CSNK1G1: variants seen among roughly 807,000 people sequenced by gnomAD.
CSNK1G1 encodes casein kinase I isoform gamma-1.
A neutral mutation model predicts 59.6 loss-of-function variants in CSNK1G1; 22 were observed. The ratio of observed to expected loss-of-function variants is 0.37; its 90% CI spans 0.26 to 0.53. The LOEUF is 0.53. CSNK1G1 is among the 20% of genes least tolerant of loss of function. The pLI, the probability that CSNK1G1 is intolerant of heterozygous loss-of-function variation, is 0.89. For missense variants in CSNK1G1, 384 were observed against 519.5 expected (o/e 0.74, Z 2.54); for synonymous variants, 179 against 177.1 (o/e 1.01, Z -0.08).
chr15:64,273,702 A>G lies in CSNK1G1; in HGVS notation c.182-14461T>C, dbSNP rs1475503433. 2.6e-5 allele frequency among the ~76,000 whole-genome samples: 4 copies of G among 151,986 alleles called. No homozygotes were observed. The East Asian group carries it at 7.7e-4, about 29-fold the overall frequency. ...AATTGTCTTGGGCCACACATAAAAT[A>G]CATGAACACTAACAAAAGCTGATGA... On this transcript the variant is annotated intron_variant, in intron 2 of 11. Coordinates refer to ENST00000303052, the MANE Select transcript of CSNK1G1 (RefSeq NM_022048.5).
At chr15:64,187,203 T>C (rs28735188) in intron 10 of CSNK1G1, among the ~76,000 whole-genome samples, 6,505 of 151,466 alleles carry the variant, frequency 0.043, 158 homozygotes, top group South Asian at 0.078. Context: ...TGGTTTTTTT[T>C]GGGGGGGATG....
Position 64,216,744 on chromosome 15 carries a change from G to C in CSNK1G1, c.293-31C>G, listed in dbSNP as rs2082316662. ...AGCAGAGGGGAAATGGGGGTATACA[G>C]TGGGAGACACAAAAGCCAAAATATG... On this transcript the variant is annotated intron_variant, in intron 4 of 11. Coordinates refer to ENST00000303052, the MANE Select transcript of CSNK1G1 (RefSeq NM_022048.5). This position sits in a 1 kb window ranked among gnomAD's most constrained non-coding sequence, Gnocchi z 4.6. 6.3e-7 allele frequency: 1 copy of C among 1,599,848 alleles called. No individual in the cohort carries two copies. The highest frequency in any genetic ancestry group is 8.5e-7 in the Non-Finnish European group (1 of 1,170,796).
intron 4 of CSNK1G1, among the ~76,000 whole-genome samples, chr15:64,241,777 C>T (rs1891473101): frequency 6.7e-6 from 1 of 149,734 alleles, no homozygotes; most frequent in African/African-American, 2.5e-5. Flanking sequence ...TTCAAATAAA[C>T]AACCTAATGA....
chr15:64,179,442 C>A (rs957280948), intron 11 of CSNK1G1, among the ~76,000 whole-genome samples: 1 of 152,118 alleles, frequency 6.6e-6, no homozygotes, highest in African/African-American at 2.4e-5. Flanking sequence ...TACAATATCA[C>A]TATAAATACG....
rs796079309 is a variant in CSNK1G1, at chr15:64,302,381, G to A, written c.-224-1658C>T. Among the ~76,000 whole-genome samples the A allele has an allele frequency of 7.9e-5, 12 of 152,148 alleles. No individual in the cohort carries two copies. In the South Asian group the frequency reaches 2.1e-3, roughly 26 times the overall value. The stretch of plus-strand genomic sequence containing the variant: ...CTCCCAAAGTGCTGGGATTACAGGC[G>A]TGAGCCACCATGCCTGGCCTCTGAT... On this transcript the variant is annotated intron_variant, in intron 1 of 11. Transcript: ENST00000303052.
chr15:64,302,023 A>G (rs1437338731), intron 1 of CSNK1G1, among the ~76,000 whole-genome samples: 1 of 152,250 alleles, frequency 6.6e-6, no homozygotes, highest in Non-Finnish European at 1.5e-5. Flanking sequence ...ATTCCCTACT[A>G]AAGTAACAGG....
At chr15:64,259,371 A>T in intron 2 of CSNK1G1, 130 bp from the exon 3 acceptor site, 1 of 633,022 alleles carries the variant, frequency 1.6e-6, no homozygotes, top group Non-Finnish European at 2.7e-6. Flanking sequence ...AACTTGATTT[A>T]TAAGCGAAAA....
At chr15:64,322,240 C>T (rs1195999264) in intron 1 of CSNK1G1, among the ~76,000 whole-genome samples, 5 of 152,154 alleles carry the variant, frequency 3.3e-5, no homozygotes, top group Non-Finnish European at 5.9e-5. Flanking sequence ...ACCCACAAAG[C>T]AATTTGGTTA....
At chr15:64,348,410 A>T (rs926995046) in intron 1 of CSNK1G1, 3 of 152,192 alleles carry the variant, frequency 2.0e-5, no homozygotes, top group African/African-American at 4.8e-5. Flanking sequence ...TGGGGGATGG[A>T]GGAGAGAAGC....
At chr15:64,323,829 A>C (rs756420206) in intron 1 of CSNK1G1, among the ~76,000 whole-genome samples, 31 of 152,204 alleles carry the variant, frequency 2.0e-4, no homozygotes, top group Non-Finnish European at 2.2e-4. Context: ...CTTAAAACAA[A>C]GCCTCTCTTT....
chr15:64,319,918 T>G, intron 1 of CSNK1G1, among the ~76,000 whole-genome samples: 1 of 13,540 alleles, frequency 7.4e-5, no homozygotes, highest in Admixed American at 1.7e-3. Context: ...AGATCAGGGC[T>G]TTTTTTTTTT....
At chr15:64,233,814 T>A (rs908182024) in intron 4 of CSNK1G1, among the ~76,000 whole-genome samples, 1 of 152,154 alleles carries the variant, frequency 6.6e-6, no homozygotes, top group Non-Finnish European at 1.5e-5. Context: ...AGACTAGAAA[T>A]TATTAGTACT....
intron 1 of CSNK1G1, among the ~76,000 whole-genome samples, chr15:64,347,858 T>C (rs576037484): frequency 1.3e-5 from 2 of 151,232 alleles, no homozygotes; most frequent in African/African-American, 4.9e-5. Context: ...TACAAAAAAT[T>C]AGCCAGGAGT....
At position 64,222,442 on chromosome 15, in the gene CSNK1G1, A is replaced by C. The variant is rs1297598794; in HGVS notation, c.293-5729T>G. On this transcript the variant is annotated intron_variant, in intron 4 of 11. Coordinates refer to ENST00000303052, the MANE Select transcript of CSNK1G1 (RefSeq NM_022048.5). ...AATAACAACAACAACACCACCAAAA[A>C]AAAAAAAAAAAAAAAAAGAGGAGGG... is the stretch of plus-strand genomic sequence containing the variant. 3.1e-4 allele frequency among the ~76,000 whole-genome samples: 46 copies of C among 147,424 alleles called. 1 individual carries two copies. The highest frequency in any genetic ancestry group is 1.1e-3 in the Admixed American group (16 of 14,976).
chr15:64,260,226 A>G (rs574230563), intron 2 of CSNK1G1, among the ~76,000 whole-genome samples: 1 of 152,324 alleles, frequency 6.6e-6, no homozygotes, highest in Non-Finnish European at 1.5e-5. Context: ...TCAATACCCT[A>G]TGGTGCTTAA....
intron 2 of CSNK1G1, among the ~76,000 whole-genome samples, chr15:64,283,044 C>T (rs1894226685): frequency 6.6e-6 from 1 of 152,112 alleles, no homozygotes. Context: ...TAAAAGACTA[C>T]AGATAGGGTG....
Position 64,176,186 on chromosome 15 carries a change from G to C in CSNK1G1, c.1214+4162C>G, listed in dbSNP as rs1309222127. ...ATGGAAGCTATTTAATGTTCCTAAG[G>C]CATTTTGTTTGGCTTTGCCAGTCCC... On this transcript the variant is annotated intron_variant, in intron 11 of 11. Coordinates refer to ENST00000303052, the MANE Select transcript of CSNK1G1 (RefSeq NM_022048.5). This position sits in a 1 kb window ranked among gnomAD's most constrained non-coding sequence, Gnocchi z 5.2. 2.5e-6 allele frequency: 1 copy of C among 398,502 alleles called. No individual in the cohort carries two copies. Among genetic ancestry groups the C allele is most frequent in the African/African-American group, 2.1e-5 (1 of 48,608 alleles). 24.7% of individuals were successfully genotyped at this position (398,502 alleles called of 1,614,324 possible). A position where few individuals can be genotyped will look rare whatever the true frequency, so the allele number is the denominator to read the frequency against.
At chr15:64,179,264 A>T (rs1449706955) in intron 11 of CSNK1G1, among the ~76,000 whole-genome samples, 1 of 152,160 alleles carries the variant, frequency 6.6e-6, no homozygotes, top group African/African-American at 2.4e-5. Context: ...AATAAATAAA[A>T]AAGATGGGCA....
chr15:64,230,771 G>C (rs555134674), intron 4 of CSNK1G1, among the ~76,000 whole-genome samples: 138 of 152,234 alleles, frequency 9.1e-4, no homozygotes, highest in Non-Finnish European at 8.1e-4. Flanking sequence ...AGAAGATTGA[G>C]ACCATCCTGG....
Sources: gnomAD v4.1 joint callset for allele counts (sites outside exome capture counted in the v4.1 genomes callset) on GRCh38, gnomAD v4.1.1 for gene constraint, Gnocchi (gnomAD v3.1) non-coding constraint, MANE v1.5 for transcripts, NCBI Gene and HGNC (gene_info 2026-07-23, HGNC 2026-07-21) for gene names.